The following DPP10 variants were observed in gnomAD, a reference collection of about 807,000 sequenced individuals.
DPP10 encodes dipeptidyl peptidase like 10, also known as inactive dipeptidyl peptidase 10.
DPP10 carries 33 observed loss-of-function variants against 120.9 expected under a neutral mutation model. The observed-to-expected ratio is 0.27, with a 90% CI of 0.21 to 0.37. The LOEUF is 0.37. DPP10 is among the 10% of genes least tolerant of loss of function. DPP10 has a pLI of 1.00. For missense variants in DPP10, 816 were observed against 942.8 expected (o/e 0.87, Z 1.76); for synonymous variants, 337 against 326.1 (o/e 1.03, Z -0.36).
chr2:115,411,128 C>T (rs538960985), intron 3 of DPP10, among the ~76,000 whole-genome samples: 10 of 152,090 alleles, frequency 6.6e-5, no homozygotes, highest in East Asian at 1.9e-4. Context: ...ATCAGGGGTT[C>T]GAGACCAGCC....
At chr2:115,671,240 A>G (rs938683796) in intron 5 of DPP10, among the ~76,000 whole-genome samples, 5 of 152,004 alleles carry the variant, frequency 3.3e-5, no homozygotes, top group African/African-American at 1.2e-4. Flanking sequence ...AAAAATATAT[A>G]CATTTAATAT....
chr2:114,890,793 G>C (rs1692477747), intron 1 of DPP10, among the ~76,000 whole-genome samples: 1 of 152,176 alleles, frequency 6.6e-6, no homozygotes, highest in Admixed American at 6.5e-5. Flanking sequence ...TCTATGTTTA[G>C]AGCACGGTAG....
intron 5 of DPP10, among the ~76,000 whole-genome samples, chr2:115,549,737 A>G (rs1575153943): frequency 6.6e-6 from 1 of 152,108 alleles, no homozygotes; most frequent in Admixed American, 6.6e-5. Context: ...CTTAAAATCA[A>G]TCATTGACAC....
intron 7 of DPP10, among the ~76,000 whole-genome samples, chr2:115,698,068 C>T (rs1303656792): frequency 6.6e-6 from 1 of 152,152 alleles, no homozygotes; most frequent in African/African-American, 2.4e-5. Context: ...CAACAGCGTA[C>T]ACGTTCTTTC....
chr2:114,966,559 C>T (rs1699045089), intron 1 of DPP10, among the ~76,000 whole-genome samples: 1 of 152,142 alleles, frequency 6.6e-6, no homozygotes, highest in African/African-American at 2.4e-5. Flanking sequence ...TTGAACTTTC[C>T]ATCCATTAGA....
intron 1 of DPP10, among the ~76,000 whole-genome samples, chr2:115,189,020 C>T (rs770915758): frequency 2.6e-5 from 4 of 152,162 alleles, no homozygotes; most frequent in African/African-American, 4.8e-5. Context: ...TATATGTATA[C>T]ACACATATGT....
intron 1 of DPP10, among the ~76,000 whole-genome samples, chr2:114,984,022 AAGTGACAT>A (rs1243252988): frequency 6.6e-6 from 1 of 152,206 alleles, no homozygotes; most frequent in Non-Finnish European, 1.5e-5. Context: ...GCTTAGAATC[AAGTGACAT>A]ATAAGGCTGC....
At chr2:115,674,403 T>C (rs2090124011) in intron 5 of DPP10, among the ~76,000 whole-genome samples, 1 of 151,924 alleles carries the variant, frequency 6.6e-6, no homozygotes, top group Admixed American at 6.5e-5. Flanking sequence ...TTTTTTAAGA[T>C]TTTTTTCTTA....
At chr2:115,633,379 A>G (rs2086051384) in intron 5 of DPP10, among the ~76,000 whole-genome samples, 2 of 152,126 alleles carry the variant, frequency 1.3e-5, no homozygotes, top group African/African-American at 4.8e-5. Context: ...GGAATTGAAC[A>G]ATGAGAACAC....
chr2:115,265,725 C>T (rs2059431487), intron 1 of DPP10, among the ~76,000 whole-genome samples: 1 of 152,042 alleles, frequency 6.6e-6, no homozygotes, highest in Admixed American at 6.6e-5. Context: ...GGGGCAGCTA[C>T]ACATATCTCC....
chr2:115,715,339 CAAAAAAAAA>C (rs546857779), intron 7 of DPP10, among the ~76,000 whole-genome samples: 6 of 67,666 alleles, frequency 8.9e-5, no homozygotes, highest in South Asian at 6.7e-4. Flanking sequence ...AACTCCGTCT[CAAAAAAAAA>C]AAAAAAAAAA....
chr2:115,229,058 A>G (rs1315019765), intron 1 of DPP10, among the ~76,000 whole-genome samples: 2 of 152,126 alleles, frequency 1.3e-5, no homozygotes, highest in Non-Finnish European at 2.9e-5. Flanking sequence ...TGTCTTTTGA[A>G]TAAAAGCCAT....
At chr2:114,561,585 T>A (rs1394759689) in intron 1 of DPP10, among the ~76,000 whole-genome samples, 2 of 152,200 alleles carry the variant, frequency 1.3e-5, no homozygotes, top group Non-Finnish European at 2.9e-5. Context: ...AGAAAGAGCT[T>A]TGCGGTTTAC....
chr2:115,442,431 T>C (rs994545613), intron 3 of DPP10, among the ~76,000 whole-genome samples: 1 of 151,974 alleles, frequency 6.6e-6, no homozygotes, highest in Non-Finnish European at 1.5e-5. Flanking sequence ...ATTTTAGGAT[T>C]GTTTCTGAGT....
At chr2:115,354,283 G>A (rs757526679) in intron 3 of DPP10, among the ~76,000 whole-genome samples, 9 of 152,062 alleles carry the variant, frequency 5.9e-5, no homozygotes, top group Non-Finnish European at 1.3e-4. Flanking sequence ...CAGGTAATGA[G>A]CATAGTACCC....
chr2:115,275,542 A>G (rs1340482348), intron 1 of DPP10, among the ~76,000 whole-genome samples: 1 of 152,148 alleles, frequency 6.6e-6, no homozygotes, highest in Non-Finnish European at 1.5e-5. Context: ...ACATACTAAG[A>G]GAAACAGTTA....
At chr2:114,959,783 C>T (rs116321142) in intron 1 of DPP10, among the ~76,000 whole-genome samples, 2,125 of 152,220 alleles carry the variant, frequency 0.014, 46 homozygotes, top group African/African-American at 0.049. Flanking sequence ...CAGTTGAATG[C>T]TATTATGGTT....
intron 1 of DPP10, among the ~76,000 whole-genome samples, chr2:115,253,778 GT>G (rs1200353376): frequency 1.3e-5 from 2 of 152,238 alleles, no homozygotes; most frequent in African/African-American, 4.8e-5. Flanking sequence ...GCTGTTGGGT[GT>G]TTTTCCAAGT....
chr2:114,548,067 A>G (rs1573623567), intron 1 of DPP10, among the ~76,000 whole-genome samples: 1 of 152,174 alleles, frequency 6.6e-6, no homozygotes, highest in African/African-American at 2.4e-5. Context: ...GAGGTTGGCT[A>G]GTAGATCTGT....
Sources: gnomAD v4.1 joint callset for allele counts (sites outside exome capture counted in the v4.1 genomes callset) on GRCh38, gnomAD v4.1.1 for gene constraint, MANE v1.5 for transcripts, NCBI Gene and HGNC (gene_info 2026-07-23, HGNC 2026-07-21) for gene names.